Variants in ZFHX3 observed in about 807,000 individuals in gnomAD.
ZFHX3 encodes zinc finger homeobox protein 3.
In ZFHX3, 42 loss-of-function variants were observed where a neutral mutation model predicts 279.1. The observed-to-expected ratio is 0.15, with a 90% CI of 0.12 to 0.19. The LOEUF (loss-of-function observed/expected upper bound fraction) is 0.19. Ranked by LOEUF, ZFHX3 falls within the 10% of genes least tolerant of loss-of-function variation. The pLI, the probability that ZFHX3 is intolerant of heterozygous loss-of-function variation, is 1.00. For missense variants in ZFHX3, 4,981 were observed against 4,754.0 expected, an observed-to-expected ratio of 1.05 and a Z score of -1.40; for synonymous variants, 2,293 against 1,957.8, an observed-to-expected ratio of 1.17 and a Z score of -4.52.
intron 1 of ZFHX3, among the ~76,000 whole-genome samples, chr16:73,805,767 T>C (rs145707660): frequency 6.6e-6 from 1 of 152,312 alleles, no homozygotes; most frequent in African/African-American, 2.4e-5. Flanking sequence ...GATGCACGTA[T>C]AATATAATGC....
At chr16:73,715,782 C>T (rs1295864026) in intron 1 of ZFHX3, among the ~76,000 whole-genome samples, 1 of 151,744 alleles carries the variant, frequency 6.6e-6, no homozygotes, top group Non-Finnish European at 1.5e-5. Context: ...CCATCTTGGC[C>T]AGGCTGGTCT....
At chr16:73,559,006 C>G (rs182425661) in intron 2 of ZFHX3, among the ~76,000 whole-genome samples, 1 of 151,928 alleles carries the variant, frequency 6.6e-6, no homozygotes, top group Admixed American at 6.6e-5. Flanking sequence ...TGAGCCACCT[C>G]CTCCTCTCCC....
intron 3 of ZFHX3, among the ~76,000 whole-genome samples, chr16:72,920,833 G>T (rs936423733): frequency 6.6e-6 from 1 of 152,028 alleles, no homozygotes; most frequent in Admixed American, 6.6e-5. Flanking sequence ...ACTTTTGGAG[G>T]CCAAGGTGGG....
Position 72,959,299 on chromosome 16 carries a change from T to C in ZFHX3, c.847A>G (p.Met283Val), listed in dbSNP as rs770572503. Residue 283 changes from methionine (M) to valine (V), a missense_variant, in exon 2 of 10, where the codon ATG becomes GTG. This residue lies in a region of ZFHX3 where 1,068 missense variants were observed against 935.2 expected (regional missense o/e 1.14). Coordinates refer to ENST00000268489, the MANE Select transcript of ZFHX3 (RefSeq NM_006885.4). Reference protein sequence around the residue: ...VLYGKRKPILMCFLCKLSFGY... With the variant: ...VLYGKRKPILVCFLCKLSFGY... Reference sequence around the variant, plus strand: ...AAGGAGAGTTTGCACAAGAAACACATCAGGATGGGCTTCCTCTTGCCATAG... The same window carrying C: ...AAGGAGAGTTTGCACAAGAAACACACCAGGATGGGCTTCCTCTTGCCATAG... 2 of 1,614,136 alleles carry C rather than the reference T, an allele frequency of 1.2e-6. No individual in the cohort carries two copies. The highest frequency in any genetic ancestry group is 1.7e-6 in the Non-Finnish European group (2 of 1,180,012).
At chr16:73,473,863 T>C (rs943068351) in intron 2 of ZFHX3, among the ~76,000 whole-genome samples, 3 of 152,190 alleles carry the variant, frequency 2.0e-5, no homozygotes, top group Admixed American at 6.5e-5. Flanking sequence ...CAAATGTTTC[T>C]GAAGATCGCA....
intron 1 of ZFHX3, among the ~76,000 whole-genome samples, chr16:73,840,244 G>A (rs769809750): frequency 9.2e-5 from 14 of 152,134 alleles, no homozygotes; most frequent in Non-Finnish European, 1.5e-4. Flanking sequence ...CAGCCAAGAG[G>A]AGGAAAAGAA....
chr16:73,366,392 C>A (rs1306683949), intron 3 of ZFHX3, among the ~76,000 whole-genome samples: 1 of 151,884 alleles, frequency 6.6e-6, no homozygotes, highest in Non-Finnish European at 1.5e-5. Flanking sequence ...AAATAAAAAT[C>A]TGCTCTATTT....
intron 1 of ZFHX3, among the ~76,000 whole-genome samples, chr16:73,695,240 T>C (rs1205163336): frequency 1.3e-5 from 1 of 79,326 alleles, no homozygotes; most frequent in East Asian, 6.4e-4. Flanking sequence ...CAGTTTTTTT[T>C]TGTTTTTTTT....
In ZFHX3 at chr16:72,957,284, T is replaced by C. The variant is rs190226254; in HGVS notation, c.2719+143A>G. 12 of 939,622 alleles carry C rather than the reference T, an allele frequency of 1.3e-5. No homozygotes were observed. In the African/African-American group the frequency reaches 1.8e-4, roughly 14 times the overall value. The allele number at this position is 939,622 out of a possible 1,614,324, so 58.2% of individuals were successfully genotyped here. ...AGTTCAAGGGATTCTTGAGAATACTTGATTGTAAGACACTCCAGTTTACAC... is the reference window on the plus strand; with the variant it reads ...AGTTCAAGGGATTCTTGAGAATACTCGATTGTAAGACACTCCAGTTTACAC... On this transcript the variant is annotated intron_variant, in intron 2 of 9. Coordinates refer to ENST00000268489, the MANE Select transcript of ZFHX3 (RefSeq NM_006885.4).
intron 1 of ZFHX3, among the ~76,000 whole-genome samples, chr16:73,718,958 A>T (rs1454785880): frequency 1.3e-5 from 2 of 152,190 alleles, no homozygotes; most frequent in African/African-American, 4.8e-5. Context: ...CCGTCAGATC[A>T]TATGAAATGT....
At chr16:73,252,285 G>A (rs1310712588) in intron 5 of ZFHX3, among the ~76,000 whole-genome samples, 1 of 152,176 alleles carries the variant, frequency 6.6e-6, no homozygotes, top group Non-Finnish European at 1.5e-5. Flanking sequence ...ACTTGAGGTG[G>A]AAAGGCCAAT....
At position 73,105,364 on chromosome 16, in the gene ZFHX3, TAC is replaced by T. The variant is rs757763881; in HGVS notation, c.-896-11768_-896-11767del. Among the ~76,000 whole-genome samples the T allele has an allele frequency of 4.8e-3, 366 of 76,926 alleles. 7 individuals carry two copies. Among genetic ancestry groups the T allele is most frequent in the African/African-American group, 0.019 (349 of 18,036 alleles). 50.5% of individuals were successfully genotyped at this position (76,926 alleles called of 152,430 possible). On this transcript the variant is annotated intron_variant, in intron 7 of 17. Transcript: ENST00000641206. ...GTGTATATATATATACACATATATATACACACATATATATATATACACACACA... is the reference window on the plus strand; with the variant it reads ...GTGTATATATATATACACATATATATACACATATATATATATACACACACA...
At chr16:73,024,540 G>A (rs1476501135) in intron 1 of ZFHX3, among the ~76,000 whole-genome samples, 1 of 152,196 alleles carries the variant, frequency 6.6e-6, no homozygotes, top group African/African-American at 2.4e-5. Flanking sequence ...TGCACTGAAA[G>A]GATCAGGGCA....
chr16:73,171,892 T>C (rs1264448818), intron 5 of ZFHX3, among the ~76,000 whole-genome samples: 1 of 152,222 alleles, frequency 6.6e-6, no homozygotes, highest in Non-Finnish European at 1.5e-5. Flanking sequence ...CTTGAGATGA[T>C]GGCTACCCTA....
chr16:72,817,261 C>A (rs1218675378), intron 5 of ZFHX3, among the ~76,000 whole-genome samples: 3 of 152,190 alleles, frequency 2.0e-5, no homozygotes, highest in Admixed American at 2.0e-4. Flanking sequence ...TCTTTGCTAA[C>A]AAATTCGACA....
At position 72,958,319 on chromosome 16, in the gene ZFHX3, T is replaced by C; in HGVS notation, c.1827A>G (p.Thr609=). 2 of 1,614,098 alleles carry C rather than the reference T, an allele frequency of 1.2e-6. No homozygotes were observed. Among genetic ancestry groups the C allele is most frequent in the South Asian group, 1.1e-5 (1 of 91,092 alleles). ...GAACGAAGCCCCCATCGTCACCCTC[T>C]GTGCTTTCATTTGGTTCTGGTGCTG... ...NATAPEPNES[T]EGDDGGFVPH... is the part of the protein sequence containing the mutation. Residue 609 remains threonine (T), a synonymous_variant, in exon 2 of 10, where the codon ACA becomes ACG. Transcript: ENST00000268489.
At chr16:73,506,884 C>T (rs945520478) in intron 2 of ZFHX3, among the ~76,000 whole-genome samples, 3 of 152,118 alleles carry the variant, frequency 2.0e-5, no homozygotes, top group South Asian at 2.1e-4. Flanking sequence ...CCTGGCTGAA[C>T]CAAAGCGATA....
chr16:73,353,692 G>C (rs11647160), intron 3 of ZFHX3, among the ~76,000 whole-genome samples: 2 of 151,902 alleles, frequency 1.3e-5, no homozygotes, highest in Non-Finnish European at 2.9e-5. Context: ...ACAAAATCAC[G>C]TGAATGCTGT....
intron 1 of ZFHX3, among the ~76,000 whole-genome samples, chr16:73,807,599 G>A (rs1304350202): frequency 1.4e-5 from 2 of 145,820 alleles, no homozygotes; most frequent in Admixed American, 1.4e-4. Context: ...TGGGCCTACA[G>A]GCACATTCCA....
Sources: allele counts gnomAD v4.1 joint callset (sites outside exome capture counted in the v4.1 genomes callset), GRCh38; gene constraint gnomAD v4.1.1; regional missense constraint gnomAD v4.1.1; transcripts MANE v1.5; gene names NCBI Gene and HGNC (gene_info 2026-07-23, HGNC 2026-07-21).